The following AGMAT variants were observed in gnomAD, a reference collection of about 807,000 sequenced individuals.
AGMAT encodes the protein guanidino acid hydrolase, mitochondrial.
AGMAT carries 37 observed loss-of-function variants against 29.3 expected under a neutral mutation model. That is an observed-to-expected ratio of 1.26 (90% CI 0.97 to 1.66). The LOEUF is 1.66. Among genes scored for constraint, AGMAT ranks in the 40% most tolerant of loss-of-function variants. AGMAT has a pLI of 0.00. For missense variants in AGMAT, 498 were observed against 497.8 expected (o/e 1.00, Z 0.00); for synonymous variants, 199 against 200.8 (o/e 0.99, Z 0.08).
In AGMAT at chr1:15,583,286, T is replaced by A. The variant is rs1639141413; in HGVS notation, c.382A>T (p.Asn128Tyr). Residue 128 changes from asparagine to tyrosine, a missense_variant, in exon 2 of 7, where the codon AAT (asparagine) becomes TAT (tyrosine). Transcript: ENST00000375826. Reference protein sequence around the residue: ...SLMVADLGDVNVNLYNLQDSC... With the variant: ...SLMVADLGDVYVNLYNLQDSC... The stretch of plus-strand genomic sequence containing the variant: ...TCCTGAAGGTTGTAAAGATTGACAT[T>A]CACATCGCCTAGGTCTGCAACCATG... 1 of 1,614,132 alleles carries A rather than the reference T, an allele frequency of 6.2e-7. No homozygotes were observed. The highest frequency in any genetic ancestry group is 2.2e-5 in the East Asian group (1 of 44,886).
chr1:15,579,113 C>G, intron 3 of AGMAT, 59 bp from the exon 4 acceptor site: 2 of 1,527,984 alleles, frequency 1.3e-6, no homozygotes, highest in South Asian at 2.4e-5. Context: ...AGCACAGCCA[C>G]CCTTCGGGCC....
rs948719228 is a variant in AGMAT, at chr1:15,572,076, C to T, written c.*1575G>A. 7.3e-6 allele frequency among the ~76,000 whole-genome samples: 1 copy of T among 136,554 alleles called. No individual in the cohort carries two copies. Among genetic ancestry groups the T allele is most frequent in the East Asian group, 2.3e-4 (1 of 4,268 alleles). 89.6% of individuals were successfully genotyped at this position (136,554 alleles called of 152,430 possible). On this transcript the variant is annotated 3_prime_UTR_variant, in exon 7 of 7. Transcript: ENST00000375826. Reference sequence around the variant, plus strand: ...AGCAGAATTGCTTGAACCCAGGAGGCGGAGATTGCAGTGAGCTAAGATCGG... The same window carrying T: ...AGCAGAATTGCTTGAACCCAGGAGGTGGAGATTGCAGTGAGCTAAGATCGG...
At position 15,584,955 on chromosome 1, in the gene AGMAT, GC is replaced by G; in HGVS notation, c.12del (p.Leu5TrpfsTer55). ...GGGCCCCGGGCGCACCCGGACGCCA[GC>G]AGCCTCAGCATTGCCGCGCGCGGCC... MLR[L>X]LASGCARGPG... is the part of the protein sequence containing the mutation. On this transcript the variant is annotated frameshift_variant, in exon 1 of 7. Transcript: ENST00000375826. LOFTEE classifies it high-confidence loss of function. 7.4e-7 allele frequency: 1 copy of G among 1,349,312 alleles called. No individual in the cohort carries two copies. The allele number at this position is 1,349,312 out of a possible 1,614,324, so 83.6% of individuals were successfully genotyped here.
chr1:15,580,027 G>T, intron 3 of AGMAT, 67 bp downstream of exon 3: 2 of 1,469,232 alleles, frequency 1.4e-6, no homozygotes, highest in Non-Finnish European at 1.9e-6. Context: ...CCACCAAACA[G>T]CAAATAACTC....
chr1:15,581,716 A>C (rs1386443678), intron 2 of AGMAT, among the ~76,000 whole-genome samples: 6 of 152,072 alleles, frequency 3.9e-5, no homozygotes, highest in Non-Finnish European at 8.8e-5. Context: ...TCTACTAAAA[A>C]TGCAACAAAT....
In AGMAT at chr1:15,578,355, C is replaced by T. The variant is rs535656070; in HGVS notation, c.721-491G>A. 8.6e-5 allele frequency among the ~76,000 whole-genome samples: 13 copies of T among 151,796 alleles called. No homozygotes were observed. The South Asian group carries it at 1.5e-3, about 17-fold the overall frequency. On this transcript the variant is annotated intron_variant, in intron 4 of 6. Transcript: ENST00000375826. Reference sequence around the variant, plus strand: ...TGTCACCTAGGCTAGAGTGCAGTGGCGCGATCTCAGCTCACTGCAACCTCC... The same window carrying T: ...TGTCACCTAGGCTAGAGTGCAGTGGTGCGATCTCAGCTCACTGCAACCTCC...
intron 2 of AGMAT, 126 bp downstream of exon 2, chr1:15,583,067 C>A: frequency 3.7e-6 from 3 of 812,006 alleles, no homozygotes; most frequent in Non-Finnish European, 5.9e-6. Context: ...ACAATGCTCT[C>A]TTTCCTACTG....
chr1:15,580,201 CT>C (rs34166013), intron 2 of AGMAT, 59 bp from the exon 3 acceptor site: 138,081 of 557,452 alleles, frequency 0.25, 1,782 homozygotes, highest in East Asian at 0.33. Flanking sequence ...ATAGAATAAT[CT>C]TTTTTTTTTT....
Position 15,577,819 on chromosome 1 carries a change from CCAG to C in AGMAT, c.763_765del (p.Leu255del). 1.2e-6 allele frequency: 2 copies of C among 1,614,166 alleles called. No individual in the cohort carries two copies. The highest frequency in any genetic ancestry group is 1.7e-6 in the Non-Finnish European group (2 of 1,180,032). ...TGCCTGACTTCCCCCATCAGAGGAACCAGCGACTTCATCCAGCAGTCTTCAGCC... is the reference window on the plus strand; with the variant it reads ...TGCCTGACTTCCCCCATCAGAGGAACCGACTTCATCCAGCAGTCTTCAGCC... On this transcript the variant is annotated inframe_deletion, in exon 5 of 7. Coordinates refer to ENST00000375826, the MANE Select transcript of AGMAT (RefSeq NM_024758.5).
chr1:15,578,976 G>A lies in AGMAT; in HGVS notation c.603C>T (p.His201=), dbSNP rs116813534. Reference sequence around the variant, plus strand: ...CCACACACCGGCGGAAGGGCGCCCCGTGGTAGAGCTTCTCTCCTAGGGCCT... The same window carrying A: ...CCACACACCGGCGGAAGGGCGCCCCATGGTAGAGCTTCTCTCCTAGGGCCT... The part of the protein sequence containing the change: ...TDKALGEKLY[H]GAPFRRCVDE... The change falls in exon 4 of 7, where the codon CAC becomes CAT. Residue 201 remains histidine, a synonymous_variant. Transcript: ENST00000375826. The A allele has an allele frequency of 7.9e-3, 12,811 of 1,614,164 alleles. 92 individuals carry two copies. Among genetic ancestry groups the A allele is most frequent in the Middle Eastern group, 0.029 (178 of 6,062 alleles).
At chr1:15,576,582 A>G (rs1639039537) in intron 5 of AGMAT, among the ~76,000 whole-genome samples, 1 of 150,686 alleles carries the variant, frequency 6.6e-6, no homozygotes, top group African/African-American at 2.4e-5. Context: ...GACGCCTGCC[A>G]CCGTGCCGGG....
intron 5 of AGMAT, chr1:15,575,822 G>A (rs936488162): frequency 4.0e-5 from 6 of 151,608 alleles, no homozygotes; most frequent in Middle Eastern, 3.2e-3. Context: ...GTATGATCAC[G>A]GCTCACTGAA....
chr1:15,579,691 G>C (rs1195778541), intron 3 of AGMAT, among the ~76,000 whole-genome samples: 1 of 152,204 alleles, frequency 6.6e-6, no homozygotes, highest in Non-Finnish European at 1.5e-5. Context: ...TGAGAAAGGT[G>C]CCCTTTCAGG....
intron 6 of AGMAT, 69 bp downstream of exon 6, chr1:15,574,688 C>T: frequency 1.4e-6 from 2 of 1,422,946 alleles, no homozygotes; most frequent in Non-Finnish European, 2.0e-6. Flanking sequence ...CCATTTTCTA[C>T]TTATTAACTA....
chr1:15,574,519 C>T (rs1433037408), intron 6 of AGMAT, among the ~76,000 whole-genome samples: 1 of 151,900 alleles, frequency 6.6e-6, no homozygotes, highest in African/African-American at 2.4e-5. Flanking sequence ...CCTGGGATTA[C>T]AGGTGTGTGC....
chr1:15,583,060 A>G (rs1229219724), intron 2 of AGMAT, 133 bp downstream of exon 2: 5 of 756,422 alleles, frequency 6.6e-6, no homozygotes, highest in Non-Finnish European at 8.6e-6. Flanking sequence ...ATGAATTACA[A>G]TGCTCTCTTT....
At chr1:15,580,198 A>AAT (rs1639092371) in intron 2 of AGMAT, 56 bp from the exon 3 acceptor site, 75 of 1,122,922 alleles carry the variant, frequency 6.7e-5, no homozygotes, top group Middle Eastern at 2.0e-4. Context: ...TACATAGAAT[A>AAT]ATCTTTTTTT....
Position 15,578,897 on chromosome 1 carries a change from A to G in AGMAT, c.682T>C (p.Ser228Pro), listed in dbSNP as rs1296335360. The change falls in exon 4 of 7, where the codon TCC (serine) becomes CCC (proline). Residue 228 changes from serine (S) to proline (P), a missense_variant. Physicochemically the swap from Ser to Pro is moderately conservative, Grantham distance 74 (BLOSUM62 -1). Coordinates refer to ENST00000375826, the MANE Select transcript of AGMAT (RefSeq NM_024758.5). ...TATCTGTAGGGATCCAAGGTCGTGG[A>G]AGAGCCCCGGATGCCAATCTGCACC... ...RVVQIGIRGS[S>P]TTLDPYRYNR... 2 of 1,614,140 alleles carry G rather than the reference A, an allele frequency of 1.2e-6. No individual in the cohort carries two copies. The highest frequency in any genetic ancestry group is 3.3e-5 in the Admixed American group (2 of 60,022).
At position 15,584,720 on chromosome 1, in the gene AGMAT, C is replaced by T. The variant is rs1266055798; in HGVS notation, c.248G>A (p.Gly83Glu). The T allele has an allele frequency of 7.5e-7, 1 of 1,336,528 alleles. No homozygotes were observed. The allele number at this position is 1,336,528 out of a possible 1,614,324, so 82.8% of individuals were successfully genotyped here. A position where few individuals can be genotyped will look rare whatever the true frequency, so the allele number is the denominator to read the frequency against. Residue 83 changes from glycine to glutamate, a missense_variant, in exon 1 of 7, where the codon GGG becomes GAG. By Grantham distance (98) the Gly-to-Glu change is moderately conservative (BLOSUM62 -2). Coordinates refer to ENST00000375826, the MANE Select transcript of AGMAT (RefSeq NM_024758.5). ...CCTCGCCCCAGGCCGGTTGGAGGTC[C>T]CAGTATCCAGGGGCACCCCGATGAA... ...AAFIGVPLDT[G>E]TSNRPGARFG... is the part of the protein sequence containing the mutation.
Sources: gnomAD v4.1 joint callset for allele counts (sites outside exome capture counted in the v4.1 genomes callset) on GRCh38, gnomAD v4.1.1 for gene constraint, MANE v1.5 for transcripts, NCBI Gene and HGNC (gene_info 2026-07-23, HGNC 2026-07-21) for gene names.